AGBL1: variants seen among roughly 807,000 people sequenced by gnomAD.
AGBL1 encodes AGBL carboxypeptidase 1.
Under a neutral mutation model 118.9 loss-of-function variants are expected in AGBL1, and 130 were observed. That is an observed-to-expected ratio of 1.09 (90% CI 0.95 to 1.26). AGBL1 has a LOEUF of 1.26. AGBL1 is among the 50% of genes most tolerant of loss of function. The pLI is 0.00. For synonymous variants in AGBL1, 555 were observed against 478.9 expected (o/e 1.16, Z -2.08); for missense variants, 1,584 against 1,298.1 (o/e 1.22, Z -3.38).
intron 1 of AGBL1, among the ~76,000 whole-genome samples, chr15:86,096,357 C>G (rs746328061): frequency 6.6e-6 from 1 of 152,002 alleles, no homozygotes; most frequent in Admixed American, 6.6e-5. Flanking sequence ...GGACATTTCC[C>G]AAAAGAAGAA....
intron 18 of AGBL1, among the ~76,000 whole-genome samples, chr15:86,493,626 A>G (rs1048519261): frequency 2.0e-5 from 3 of 152,064 alleles, no homozygotes; most frequent in African/African-American, 7.2e-5. Flanking sequence ...TCAAGATTTC[A>G]TGAAGCTTAA....
chr15:86,468,726 AG>A (rs1268354824), intron 18 of AGBL1, among the ~76,000 whole-genome samples: 13 of 152,312 alleles, frequency 8.5e-5, no homozygotes, highest in Non-Finnish European at 5.9e-5. Context: ...AGGAATAATG[AG>A]TAGAGTTTGT....
At chr15:86,677,758 G>A (rs1321228725) in intron 22 of AGBL1, among the ~76,000 whole-genome samples, 2 of 152,080 alleles carry the variant, frequency 1.3e-5, no homozygotes, top group African/African-American at 4.8e-5. Context: ...AACTAGGTTT[G>A]TTTGACGGAC....
intron 18 of AGBL1, among the ~76,000 whole-genome samples, chr15:86,437,400 G>T (rs918674371): frequency 3.9e-5 from 6 of 152,148 alleles, no homozygotes; most frequent in Non-Finnish European, 7.4e-5. Flanking sequence ...CTGCTTCAGA[G>T]CTCCATTATG....
intron 22 of AGBL1, among the ~76,000 whole-genome samples, chr15:86,820,100 T>C (rs1000741296): frequency 2.0e-5 from 3 of 152,190 alleles, no homozygotes; most frequent in Non-Finnish European, 4.4e-5. Flanking sequence ...TGCAGAAAAC[T>C]GAAACTGAAC....
At chr15:86,484,408 C>T (rs117839685) in intron 18 of AGBL1, among the ~76,000 whole-genome samples, 6 of 152,180 alleles carry the variant, frequency 3.9e-5, no homozygotes, top group Non-Finnish European at 7.4e-5. Flanking sequence ...TGTCCTGGGC[C>T]ACTTTTTAAT....
intron 14 of AGBL1, among the ~76,000 whole-genome samples, chr15:86,271,230 C>T (rs1400224301): frequency 1.3e-5 from 2 of 151,438 alleles, no homozygotes; most frequent in Non-Finnish European, 2.9e-5. Context: ...TTTTAGTAGC[C>T]GTGTTGTGTT....
intron 1 of AGBL1, among the ~76,000 whole-genome samples, chr15:86,125,330 G>C (rs1898353247): frequency 6.6e-6 from 1 of 152,096 alleles, no homozygotes; most frequent in Non-Finnish European, 1.5e-5. Flanking sequence ...AGCCTTTCGT[G>C]ACTAGACTTT....
chr15:86,385,271 T>C (rs1365486992), intron 17 of AGBL1, among the ~76,000 whole-genome samples: 1 of 152,226 alleles, frequency 6.6e-6, no homozygotes, highest in South Asian at 2.1e-4. Context: ...CACCTTACAT[T>C]GCTTTTTAAA....
intron 21 of AGBL1, among the ~76,000 whole-genome samples, chr15:86,651,685 A>G (rs188816133): frequency 9.2e-5 from 14 of 152,264 alleles, no homozygotes; most frequent in Admixed American, 5.9e-4. Context: ...AGTTACATGA[A>G]ACTTCTTGAC....
At chr15:86,435,798 T>C (rs2081994010) in intron 18 of AGBL1, among the ~76,000 whole-genome samples, 2 of 152,172 alleles carry the variant, frequency 1.3e-5, no homozygotes, top group African/African-American at 4.8e-5. Flanking sequence ...AATCCATTAA[T>C]TCAATGAGAT....
At chr15:86,897,898 T>C (rs1310689228) in intron 22 of AGBL1, among the ~76,000 whole-genome samples, 2 of 150,768 alleles carry the variant, frequency 1.3e-5, no homozygotes, top group Non-Finnish European at 2.9e-5. Context: ...GCCTCCTGAG[T>C]ATCTAGCTGA....
At chr15:86,874,343 TGTA>T (rs1325714148) in intron 22 of AGBL1, among the ~76,000 whole-genome samples, 1 of 151,232 alleles carries the variant, frequency 6.6e-6, no homozygotes. Flanking sequence ...ATGTGCAAAA[TGTA>T]GTAAAAGGAC....
chr15:86,337,072 AG>A (rs755111130), intron 17 of AGBL1, among the ~76,000 whole-genome samples: 76 of 152,228 alleles, frequency 5.0e-4, no homozygotes, highest in Non-Finnish European at 9.1e-4. Context: ...TTGAAGCATT[AG>A]ATGGACACAC....
chr15:86,794,722 A>G (rs528181979), intron 22 of AGBL1, among the ~76,000 whole-genome samples: 22 of 152,318 alleles, frequency 1.4e-4, no homozygotes, highest in Non-Finnish European at 2.6e-4. Context: ...ATATTCTGAA[A>G]CTGGACAGCC....
chr15:86,336,721 T>A (rs558712350), intron 17 of AGBL1, among the ~76,000 whole-genome samples: 3 of 152,238 alleles, frequency 2.0e-5, no homozygotes, highest in Non-Finnish European at 4.4e-5. Context: ...CTTTTGCTTA[T>A]GGACACAAAC....
intron 24 of AGBL1, among the ~76,000 whole-genome samples, chr15:86,995,322 G>C (rs540918987): frequency 2.6e-5 from 4 of 152,248 alleles, no homozygotes; most frequent in African/African-American, 9.6e-5. Flanking sequence ...GGAGGTCAAG[G>C]CTGTAGTGAG....
At chr15:86,760,372 T>C (rs895956040) in intron 22 of AGBL1, among the ~76,000 whole-genome samples, 1 of 152,008 alleles carries the variant, frequency 6.6e-6, no homozygotes, top group Middle Eastern at 3.2e-3. Flanking sequence ...AATCATTAGC[T>C]CCACACCCGC....
intron 22 of AGBL1, among the ~76,000 whole-genome samples, chr15:86,874,472 G>A (rs188743185): frequency 2.0e-5 from 3 of 151,914 alleles, no homozygotes; most frequent in Non-Finnish European, 4.4e-5. Flanking sequence ...CCATTACACT[G>A]TTGAGAGCCT....
Sources: gnomAD v4.1 joint callset for allele counts (sites outside exome capture counted in the v4.1 genomes callset) on GRCh38, gnomAD v4.1.1 for gene constraint, MANE v1.5 for transcripts, NCBI Gene and HGNC (gene_info 2026-07-23, HGNC 2026-07-21) for gene names.